The following WASL variants were observed in gnomAD, a reference collection of about 807,000 sequenced individuals.
WASL encodes the protein actin nucleation-promoting factor WASL.
In WASL, 20 loss-of-function variants were observed where a neutral mutation model predicts 55.5. The observed-to-expected ratio is 0.36, with a 90% CI of 0.25 to 0.52. WASL has a LOEUF of 0.52. Ranked by LOEUF, WASL falls within the 20% of genes least tolerant of loss-of-function variation. The pLI is 0.92. For synonymous variants in WASL, 249 were observed against 217.6 expected (o/e 1.14, Z -1.27); for missense variants, 504 against 622.5 (o/e 0.81, Z 2.03).
intron 2 of WASL, among the ~76,000 whole-genome samples, chr7:123,707,908 G>A (rs990285628): frequency 4.6e-5 from 7 of 152,114 alleles, no homozygotes; most frequent in African/African-American, 7.2e-5. Flanking sequence ...AATTTAGCCC[G>A]GGACTGGTGG....
chr7:123,710,042 C>G (rs1367088764), intron 1 of WASL, among the ~76,000 whole-genome samples: 2 of 152,080 alleles, frequency 1.3e-5, no homozygotes, highest in East Asian at 3.9e-4. Context: ...CATGTTGCCC[C>G]CTTCCTCAAG....
Position 123,692,609 on chromosome 7 carries a change from G to A in WASL, c.1085C>T (p.Pro362Leu). Reference sequence around the variant, plus strand: ...TGGCCCTACCCCCAACACAGATGGAGGTGGTGGTGGAGGCCCTGAAGGTGC... The same window carrying A: ...TGGCCCTACCCCCAACACAGATGGAAGTGGTGGTGGAGGCCCTGAAGGTGC... ...SSAPSGPPPP[P>L]PSVLGVGPVA... Residue 362 changes from proline (P) to leucine (L), a missense_variant, in exon 9 of 11, where the codon CCT (proline) becomes CTT (leucine). Coordinates refer to ENST00000223023, the MANE Select transcript of WASL (RefSeq NM_003941.4). 1.2e-6 allele frequency: 2 copies of A among 1,604,070 alleles called. No homozygotes were observed. Among genetic ancestry groups the A allele is most frequent in the Non-Finnish European group, 1.7e-6 (2 of 1,175,338 alleles).
chr7:123,713,173 G>T (rs1020283653), intron 1 of WASL, among the ~76,000 whole-genome samples: 4 of 152,018 alleles, frequency 2.6e-5, no homozygotes, highest in African/African-American at 9.7e-5. Context: ...TTTGAGACAA[G>T]GTCTTGCTCT....
At chr7:123,717,905 C>CA (rs1302136672) in intron 1 of WASL, among the ~76,000 whole-genome samples, 4 of 152,054 alleles carry the variant, frequency 2.6e-5, no homozygotes, top group East Asian at 3.9e-4. Context: ...GCCTGCGCTG[C>CA]AAAAAACTTT....
intron 1 of WASL, among the ~76,000 whole-genome samples, chr7:123,720,612 G>T (rs887410879): frequency 4.6e-5 from 7 of 151,728 alleles, no homozygotes; most frequent in Non-Finnish European, 8.8e-5. Context: ...TGAAGGACTG[G>T]ATAAATGAGA....
intron 1 of WASL, among the ~76,000 whole-genome samples, chr7:123,719,760 C>CA (rs1295220687): frequency 1.3e-5 from 2 of 152,152 alleles, no homozygotes; most frequent in African/African-American, 4.8e-5. Context: ...TGCACCCTTG[C>CA]AACATATTTT....
Position 123,748,696 on chromosome 7 carries a change from C to G in WASL, c.39G>C (p.Arg13Ser). Residue 13 changes from arginine to serine, a missense_variant, in exon 1 of 11, where the codon AGG becomes AGC. Physicochemically the swap from Arg to Ser is moderately radical, Grantham distance 110 (BLOSUM62 -1). Around this residue, in one of 5 missense-constraint regions of WASL, gnomAD observed 230 missense variants for 271.9 expected, o/e 0.85. Coordinates refer to ENST00000223023, the MANE Select transcript of WASL (RefSeq NM_003941.4). ...SVQQQPPPPR[R>S]VTNVGSLLLT... ...GCAACAGGGACCCCACGTTGGTGACCCTCCGCGGCGGCGGCGGCTGCTGCT... is the reference window on the plus strand; with the variant it reads ...GCAACAGGGACCCCACGTTGGTGACGCTCCGCGGCGGCGGCGGCTGCTGCT... The G allele has an allele frequency of 1.2e-6, 2 of 1,610,566 alleles. No individual in the cohort carries two copies. Among genetic ancestry groups the G allele is most frequent in the Non-Finnish European group, 1.7e-6 (2 of 1,178,640 alleles).
chr7:123,692,667 A>G lies in WASL; in HGVS notation c.1027T>C (p.Tyr343His), dbSNP rs1168900267. The G allele has an allele frequency of 6.4e-7, 1 of 1,552,232 alleles. No homozygotes were observed. Among genetic ancestry groups the G allele is most frequent in the South Asian group, 1.2e-5 (1 of 81,316 alleles). ...GGAAGGGCTGGAGGTGGAGGAGGGT[A>G]CATCCTATTTGGCGGTGGTGGAGGG... Reference protein sequence around the residue: ...AVPPPPPNRMYPPPPPALPSS... With the variant: ...AVPPPPPNRMHPPPPPALPSS... Residue 343 changes from tyrosine (Y) to histidine (H), a missense_variant, in exon 9 of 11, where the codon TAC (tyrosine) becomes CAC (histidine). This residue lies in a region of WASL where 201 missense variants were observed against 206.2 expected (regional missense o/e 0.97). Coordinates refer to ENST00000223023, the MANE Select transcript of WASL (RefSeq NM_003941.4).
intron 10 of WASL, among the ~76,000 whole-genome samples, chr7:123,687,166 A>C (rs1803306138): frequency 6.6e-6 from 1 of 152,038 alleles, no homozygotes; most frequent in Non-Finnish European, 1.5e-5. Flanking sequence ...CCATCATCAA[A>C]ACCAGTGATC....
chr7:123,699,901 G>C (rs1343755109), intron 5 of WASL, among the ~76,000 whole-genome samples: 1 of 152,034 alleles, frequency 6.6e-6, no homozygotes, highest in Non-Finnish European at 1.5e-5. Context: ...TTAAGGCCGG[G>C]CGCGGTGGCT....
intron 1 of WASL, among the ~76,000 whole-genome samples, chr7:123,709,883 T>A (rs1197643490): frequency 1.3e-5 from 2 of 152,174 alleles, no homozygotes; most frequent in Non-Finnish European, 2.9e-5. Flanking sequence ...GTTTTAATGC[T>A]ATACTGAGGA....
chr7:123,708,864 C>T (rs1803712568), intron 2 of WASL, among the ~76,000 whole-genome samples: 1 of 151,158 alleles, frequency 6.6e-6, no homozygotes, highest in South Asian at 2.1e-4. Context: ...TGCGTGGTAG[C>T]AGGAGAAAGA....
At chr7:123,703,491 C>T (rs1417850010) in intron 5 of WASL, among the ~76,000 whole-genome samples, 1 of 151,932 alleles carries the variant, frequency 6.6e-6, no homozygotes, top group Non-Finnish European at 1.5e-5. Flanking sequence ...TACTTCAATC[C>T]CCGTAACAGC....
chr7:123,727,639 C>T (rs982655), intron 1 of WASL, among the ~76,000 whole-genome samples: 18,652 of 151,944 alleles, frequency 0.12, 1,339 homozygotes, highest in Admixed American at 0.19. Flanking sequence ...AAAGGGTGGA[C>T]GAAGATAGGA....
chr7:123,690,017 T>C (rs566844873), intron 9 of WASL, among the ~76,000 whole-genome samples: 2 of 152,292 alleles, frequency 1.3e-5, no homozygotes, highest in Admixed American at 6.5e-5. Flanking sequence ...CCCTAAGATA[T>C]AGATTCATTC....
chr7:123,696,134 G>A (rs1292234832), intron 6 of WASL, among the ~76,000 whole-genome samples: 2 of 151,944 alleles, frequency 1.3e-5, no homozygotes, highest in African/African-American at 4.8e-5. Context: ...TAGCATAAGA[G>A]TCCAAGCATT....
chr7:123,694,624 G>A, intron 8 of WASL, 91 bp downstream of exon 8: 1 of 1,321,122 alleles, frequency 7.6e-7, no homozygotes, highest in Non-Finnish European at 1.1e-6. Context: ...GCTCAAGGAA[G>A]GGTTCACATG....
intron 1 of WASL, among the ~76,000 whole-genome samples, chr7:123,709,503 T>A (rs1803722420): frequency 1.3e-5 from 2 of 152,216 alleles, no homozygotes. Flanking sequence ...TAATCACTTT[T>A]AAATATAGCC....
At position 123,694,705 on chromosome 7, in the gene WASL, TA is replaced by T. The variant is rs1276047653; in HGVS notation, c.826+9del. ...AACAAAACAGAACGCTGAATAGAGA[TA>T]AAAGTTACCTTGCCTCCGCAGTTCA... is the stretch of plus-strand genomic sequence containing the variant. On this transcript the variant is annotated intron_variant, in intron 8 of 10. Coordinates refer to ENST00000223023, the MANE Select transcript of WASL (RefSeq NM_003941.4). 13 of 1,612,054 alleles carry T rather than the reference TA, an allele frequency of 8.1e-6. No individual in the cohort carries two copies. Among genetic ancestry groups the T allele is most frequent in the African/African-American group, 1.3e-5 (1 of 74,928 alleles).
Sources: gnomAD v4.1 joint callset for allele counts (sites outside exome capture counted in the v4.1 genomes callset) on GRCh38, gnomAD v4.1.1 for gene constraint, gnomAD v4.1.1 regional missense constraint, MANE v1.5 for transcripts, NCBI Gene and HGNC (gene_info 2026-07-23, HGNC 2026-07-21) for gene names.